The following MYO5C variants were observed in gnomAD, a reference collection of about 807,000 sequenced individuals.
MYO5C encodes unconventional myosin-Vc.
MYO5C carries 194 observed loss-of-function variants against 235.7 expected under a neutral mutation model. That is an observed-to-expected ratio of 0.82 (90% CI 0.73 to 0.93). The LOEUF is 0.93. Among genes scored for constraint, MYO5C ranks in the 40% least tolerant of loss-of-function variants. The pLI is 0.00. For missense variants in MYO5C, 2,038 were observed against 2,127.2 expected, an observed-to-expected ratio of 0.96 and a Z score of 0.82; for synonymous variants, 707 against 754.8, an observed-to-expected ratio of 0.94 and a Z score of 1.04.
intron 14 of MYO5C, among the ~76,000 whole-genome samples, chr15:52,247,887 T>G (rs1270267171): frequency 6.6e-6 from 1 of 152,168 alleles, no homozygotes; most frequent in African/African-American, 2.4e-5. Flanking sequence ...CGTGCCTGGC[T>G]CACACTGTGT....
chr15:52,275,150 T>C (rs145517129), intron 5 of MYO5C, among the ~76,000 whole-genome samples: 1 of 152,362 alleles, frequency 6.6e-6, no homozygotes, highest in East Asian at 1.9e-4. Context: ...GTATAAATAC[T>C]TCTCCCCTGA....
chr15:52,289,061 C>T lies in MYO5C; in HGVS notation c.28-6169G>A, dbSNP rs189545070. On this transcript the variant is annotated intron_variant, in intron 1 of 40. Transcript: ENST00000261839. ...ACGACATGTGTTTCCCTCCTAGAAC[C>T]GCTTTCTGGACTGGGAGTGTCCACA... Among the ~76,000 whole-genome samples, 28 of 152,270 alleles carry T rather than the reference C, an allele frequency of 1.8e-4. 1 individual carries two copies. Among genetic ancestry groups the T allele is most frequent in the Middle Eastern group, 6.8e-3 (2 of 294 alleles).
rs1166385113 is a variant in MYO5C at position 52,221,588 on chromosome 15, ATCG to A, written c.3628-336_3628-334del. The stretch of plus-strand genomic sequence containing the variant: ...GCGTCTTTGGTCCAAGCCCAGAGCC[ATCG>A]TCTCCTCATCTAGGAACAGGAAAAG... On this transcript the variant is annotated intron_variant, in intron 29 of 40. Transcript: ENST00000261839. Among the ~76,000 whole-genome samples, 23 of 152,314 alleles carry A rather than the reference ATCG, an allele frequency of 1.5e-4. No individual in the cohort carries two copies. The South Asian group carries it at 3.7e-3, about 25-fold the overall frequency.
rs2035512010 is a variant in MYO5C, at chr15:52,214,528, C to A, written c.4042+75G>T. ...TCCTTTGGGTTTCATAAGCTTTGGA[C>A]CAGAAAGAAAATAAACACTTGAGCG... On this transcript the variant is annotated intron_variant, in intron 33 of 40. Coordinates refer to ENST00000261839, the MANE Select transcript of MYO5C (RefSeq NM_018728.4). 5 of 1,103,906 alleles carry A rather than the reference C, an allele frequency of 4.5e-6. No individual in the cohort carries two copies. The Admixed American group carries it at 1.1e-4, about 24-fold the overall frequency. 68.4% of individuals were successfully genotyped at this position (1,103,906 alleles called of 1,614,324 possible).
chr15:52,222,188 C>T (rs944522460), intron 29 of MYO5C, among the ~76,000 whole-genome samples: 4 of 152,180 alleles, frequency 2.6e-5, no homozygotes, highest in East Asian at 3.8e-4. Flanking sequence ...TTCCAGCATA[C>T]GATGGGTTTA....
rs766932603 is a variant in MYO5C at position 52,263,099 on chromosome 15, G to C, written c.1047+1091C>G. Among the ~76,000 whole-genome samples the C allele has an allele frequency of 3.3e-5, 5 of 152,190 alleles. No individual in the cohort carries two copies. The East Asian group carries it at 9.6e-4, about 29-fold the overall frequency. On this transcript the variant is annotated intron_variant, in intron 9 of 40. Transcript: ENST00000261839. ...CGACCAGGCTGACACTCTGTTCTCAGACTTCCAGCCTCTAGAACGGTGAGG... is the reference window on the plus strand; with the variant it reads ...CGACCAGGCTGACACTCTGTTCTCACACTTCCAGCCTCTAGAACGGTGAGG...
chr15:52,224,821 G>C (rs1566968792), intron 28 of MYO5C, 80 bp downstream of exon 28: 1 of 1,127,246 alleles, frequency 8.9e-7, no homozygotes, highest in African/African-American at 1.6e-5. Flanking sequence ...ATCAATCTAT[G>C]TAAGGTAAAC....
In MYO5C at chr15:52,195,472, T is replaced by C; in HGVS notation, c.4996-15A>G. On this transcript the variant is annotated splice_polypyrimidine_tract_variant and intron_variant, in intron 39 of 40. Coordinates refer to ENST00000261839, the MANE Select transcript of MYO5C (RefSeq NM_018728.4). ...ATCTTTATGATCTGCAAACGGTACA[T>C]AACATGGTGTTAGACCATGCAAAAT... The C allele has an allele frequency of 6.4e-7, 1 of 1,571,034 alleles. No homozygotes were observed. The highest frequency in any genetic ancestry group is 8.7e-7 in the Non-Finnish European group (1 of 1,143,462).
chr15:52,199,468 T>C (rs1251336847), intron 38 of MYO5C, among the ~76,000 whole-genome samples: 1 of 152,114 alleles, frequency 6.6e-6, no homozygotes, highest in Non-Finnish European at 1.5e-5. Context: ...GCAGGTGTAT[T>C]GGGGAAGATG....
chr15:52,270,573 T>G (rs1392136000), intron 7 of MYO5C, among the ~76,000 whole-genome samples: 1 of 151,588 alleles, frequency 6.6e-6, no homozygotes, highest in East Asian at 1.9e-4. Context: ...TGACTCTCTC[T>G]CTCTCTACAT....
At chr15:52,195,630 A>C (rs918318349) in intron 39 of MYO5C, among the ~76,000 whole-genome samples, 173 bp from the exon 40 acceptor site, 3 of 152,100 alleles carry the variant, frequency 2.0e-5, no homozygotes, top group African/African-American at 7.2e-5. Context: ...AAGGGGAGAA[A>C]AGTGCCTTAG....
In MYO5C at chr15:52,205,973, G is replaced by A; in HGVS notation, c.4387-7C>T. ...TATTATGCTTCATGAATTCCTAAAA[G>A]TAATTTTAAACATAAAATATTAGAA... On this transcript the variant is annotated splice_polypyrimidine_tract_variant and splice_region_variant and intron_variant, in intron 36 of 40. Coordinates refer to ENST00000261839, the MANE Select transcript of MYO5C (RefSeq NM_018728.4). 1 of 1,495,058 alleles carries A rather than the reference G, an allele frequency of 6.7e-7. No individual in the cohort carries two copies. Among genetic ancestry groups the A allele is most frequent in the Non-Finnish European group, 9.0e-7 (1 of 1,111,566 alleles). The allele number at this position is 1,495,058 out of a possible 1,614,324, so 92.6% of individuals were successfully genotyped here. A position where few individuals can be genotyped will look rare whatever the true frequency, so the allele number is the denominator to read the frequency against.
At chr15:52,249,991 T>C (rs1290699147) in intron 13 of MYO5C, among the ~76,000 whole-genome samples, 2 of 152,200 alleles carry the variant, frequency 1.3e-5, no homozygotes, top group Non-Finnish European at 2.9e-5. Flanking sequence ...TTCTTGGAAG[T>C]GGCAGGTGAG....
Position 52,291,745 on chromosome 15 carries a change from T to TGTTTTTG in MYO5C, c.27+3864_27+3865insCAAAAAC, listed in dbSNP as rs1345091613. Among the ~76,000 whole-genome samples, 527 of 103,754 alleles carry TGTTTTTG rather than the reference T, an allele frequency of 5.1e-3. 24 individuals are homozygous for TGTTTTTG. Among genetic ancestry groups the TGTTTTTG allele is most frequent in the Non-Finnish European group, 7.5e-3 (365 of 48,494 alleles). 68.1% of individuals were successfully genotyped at this position (103,754 alleles called of 152,430 possible). On this transcript the variant is annotated intron_variant, in intron 1 of 40. Transcript: ENST00000261839. ...GCATATTTTATGTTTTTTTTTTTTT[T>TGTTTTTG]TTTTTTTTTTTGAGACAGGGTCTCG...
At chr15:52,239,012 C>T (rs1320630672) in intron 21 of MYO5C, among the ~76,000 whole-genome samples, 10 of 151,730 alleles carry the variant, frequency 6.6e-5, no homozygotes, top group African/African-American at 1.2e-4. Context: ...AGTGCAGTGG[C>T]GCCATCTTGG....
intron 26 of MYO5C, 49 bp downstream of exon 26, chr15:52,225,390 G>A (rs775347506): frequency 1.4e-6 from 2 of 1,417,196 alleles, no homozygotes; most frequent in South Asian, 1.2e-5. Flanking sequence ...ACACAGCTAT[G>A]ATAAATTCAG....
Position 52,208,713 on chromosome 15 carries a change from G to T in MYO5C, c.4297-70C>A, listed in dbSNP as rs2141271510. 5 of 1,371,664 alleles carry T rather than the reference G, an allele frequency of 3.6e-6. No individual in the cohort carries two copies. In the East Asian group the frequency reaches 9.2e-5, roughly 25 times the overall value. 85.0% of individuals were successfully genotyped at this position (1,371,664 alleles called of 1,614,324 possible). On this transcript the variant is annotated intron_variant, in intron 35 of 40. Coordinates refer to ENST00000261839, the MANE Select transcript of MYO5C (RefSeq NM_018728.4). Reference sequence around the variant, plus strand: ...GTACCTCTGAGCATTTACCTGTTTGGTTATTTGTAGCTTTTGACCAAAATT... The same window carrying T: ...GTACCTCTGAGCATTTACCTGTTTGTTTATTTGTAGCTTTTGACCAAAATT...
intron 21 of MYO5C, among the ~76,000 whole-genome samples, chr15:52,238,728 G>A (rs900706339): frequency 1.1e-4 from 17 of 152,018 alleles, no homozygotes; most frequent in African/African-American, 2.9e-4. Flanking sequence ...TGCAAGCTCC[G>A]CCTCCCAGGT....
intron 4 of MYO5C, among the ~76,000 whole-genome samples, chr15:52,278,276 G>T (rs1389267484): frequency 6.6e-6 from 1 of 152,092 alleles, no homozygotes; most frequent in Admixed American, 6.5e-5. Flanking sequence ...GCCTACCCTG[G>T]GTTGGTTATT....
Sources: allele counts gnomAD v4.1 joint callset (sites outside exome capture counted in the v4.1 genomes callset), GRCh38; gene constraint gnomAD v4.1.1; transcripts MANE v1.5; gene names NCBI Gene and HGNC (gene_info 2026-07-23, HGNC 2026-07-21).